METTL24: variants seen among roughly 807,000 people sequenced by gnomAD.
METTL24 encodes the protein probable methyltransferase-like protein 24.
Under a neutral mutation model 32.7 loss-of-function variants are expected in METTL24, and 29 were observed. That is an observed-to-expected ratio of 0.89 (90% CI 0.66 to 1.21). The LOEUF is 1.21. Among genes scored for constraint, METTL24 ranks in the 50% most tolerant of loss-of-function variants. The pLI, the probability that METTL24 is intolerant of heterozygous loss-of-function variation, is 0.00. For missense variants in METTL24, 439 were observed against 468.1 expected (o/e 0.94, Z 0.57); for synonymous variants, 163 against 179.5 (o/e 0.91, Z 0.73).
intron 3 of METTL24, among the ~76,000 whole-genome samples, chr6:110,303,182 C>T (rs1371816438): frequency 6.6e-6 from 1 of 152,164 alleles, no homozygotes; most frequent in African/African-American, 2.4e-5. Flanking sequence ...CAGGAGATTC[C>T]CTCGGGTGCC....
chr6:110,319,636 T>C (rs567228965), intron 2 of METTL24, among the ~76,000 whole-genome samples: 40 of 152,166 alleles, frequency 2.6e-4, no homozygotes, highest in Non-Finnish European at 5.3e-4. Context: ...ACTGTATTTA[T>C]GATTTAACTA....
intron 4 of METTL24, among the ~76,000 whole-genome samples, chr6:110,271,988 TTTA>T (rs1294560187): frequency 6.6e-6 from 1 of 152,030 alleles, no homozygotes; most frequent in Admixed American, 6.6e-5. Context: ...TCAACAGAGC[TTTA>T]TTATTATTAT....
chr6:110,349,581 G>T (rs760132476), intron 1 of METTL24, among the ~76,000 whole-genome samples: 1 of 152,246 alleles, frequency 6.6e-6, no homozygotes, highest in Non-Finnish European at 1.5e-5. Context: ...GCTTGGTGTT[G>T]ATTAAATTGA....
In METTL24 at chr6:110,244,455, C is replaced by T. The variant is rs915115917; in HGVS notation, c.*1491G>A. On this transcript the variant is annotated 3_prime_UTR_variant, in exon 5 of 5. Transcript: ENST00000338882. The stretch of plus-strand genomic sequence containing the variant: ...TACGTAAAATCTAAAAAGTGTAATA[C>T]CCAAAGTATTAGTCCATTCTCACAC... 1.3e-5 allele frequency among the ~76,000 whole-genome samples: 2 copies of T among 151,762 alleles called. No individual in the cohort carries two copies. Among genetic ancestry groups the T allele is most frequent in the Non-Finnish European group, 2.9e-5 (2 of 67,974 alleles).
At chr6:110,333,484 G>T (rs1772147989) in intron 1 of METTL24, among the ~76,000 whole-genome samples, 1 of 151,836 alleles carries the variant, frequency 6.6e-6, no homozygotes. Flanking sequence ...ATTTTTTGAG[G>T]GGAGTCTTGC....
intron 3 of METTL24, among the ~76,000 whole-genome samples, chr6:110,299,658 A>C (rs1771485559): frequency 6.6e-6 from 1 of 152,208 alleles, no homozygotes; most frequent in Admixed American, 6.5e-5. Flanking sequence ...AGTGCAAATA[A>C]GAAAAAAGGC....
intron 2 of METTL24, among the ~76,000 whole-genome samples, chr6:110,317,708 G>A (rs981261449): frequency 3.3e-5 from 5 of 152,050 alleles, no homozygotes; most frequent in Non-Finnish European, 7.4e-5. Flanking sequence ...GATGTTTGCA[G>A]GACCTTGCTC....
At chr6:110,281,315 G>A (rs1399022310) in intron 4 of METTL24, among the ~76,000 whole-genome samples, 1 of 152,024 alleles carries the variant, frequency 6.6e-6, no homozygotes, top group African/African-American at 2.4e-5. Context: ...TAAAGAGGTT[G>A]GGAAATTGAA....
Position 110,245,161 on chromosome 6 carries a change from A to G in METTL24, c.*785T>C, listed in dbSNP as rs1213619040. 1.3e-5 allele frequency among the ~76,000 whole-genome samples: 2 copies of G among 152,340 alleles called. No homozygotes were observed. The highest frequency in any genetic ancestry group is 3.9e-4 in the East Asian group (2 of 5,182). ...AATATTTAAATCAGTAGACTAAATA[A>G]ATCAGATTCTTCACCTCAGTGTAAG... On this transcript the variant is annotated 3_prime_UTR_variant, in exon 5 of 5. Coordinates refer to ENST00000338882, the MANE Select transcript of METTL24 (RefSeq NM_001123364.3).
At chr6:110,305,457 C>T (rs1394900760) in intron 3 of METTL24, among the ~76,000 whole-genome samples, 1 of 151,830 alleles carries the variant, frequency 6.6e-6, no homozygotes, top group Non-Finnish European at 1.5e-5. Flanking sequence ...CCAGAATCTA[C>T]ATGGAACTTA....
rs144114898 is a variant in METTL24, at chr6:110,317,585, T to G, written c.418-2104A>C. 3.5e-3 allele frequency among the ~76,000 whole-genome samples: 532 copies of G among 152,200 alleles called. 4 individuals are homozygous for G. The highest frequency in any genetic ancestry group is 0.012 in the African/African-American group (480 of 41,524). ...GACCTTATAAGCCAGAGCCATCTGC[T>G]TGGGGGAAGTCTCCTGGGATATTTT... On this transcript the variant is annotated intron_variant, in intron 2 of 4. Transcript: ENST00000338882.
At chr6:110,278,847 C>T (rs572827257) in intron 4 of METTL24, among the ~76,000 whole-genome samples, 201 of 152,186 alleles carry the variant, frequency 1.3e-3, no homozygotes, top group African/African-American at 4.6e-3. Flanking sequence ...CACAGTGAGA[C>T]GTCATCTCTA....
chr6:110,290,311 G>T (rs1370712575), intron 4 of METTL24, among the ~76,000 whole-genome samples: 1 of 152,192 alleles, frequency 6.6e-6, no homozygotes, highest in Non-Finnish European at 1.5e-5. Flanking sequence ...GTTCCTTTGT[G>T]ATCTTTTCAA....
chr6:110,279,414 C>T (rs1771100986), intron 4 of METTL24, among the ~76,000 whole-genome samples: 1 of 152,110 alleles, frequency 6.6e-6, no homozygotes, highest in Admixed American at 6.5e-5. Context: ...GCAATTACAT[C>T]CATTGGAAGA....
intron 4 of METTL24, among the ~76,000 whole-genome samples, chr6:110,272,835 T>C (rs1277247212): frequency 2.6e-5 from 4 of 152,116 alleles, no homozygotes; most frequent in African/African-American, 7.2e-5. Flanking sequence ...TCCTTGCTGA[T>C]TTGAGTTCCT....
intron 1 of METTL24, among the ~76,000 whole-genome samples, chr6:110,332,921 AAAGC>A (rs904885981): frequency 2.0e-5 from 3 of 152,048 alleles, no homozygotes; most frequent in African/African-American, 4.8e-5. Context: ...AAAAAAAAAA[AAAGC>A]AAGTGTGCCT....
At chr6:110,297,639 A>C (rs1394624994) in intron 4 of METTL24, among the ~76,000 whole-genome samples, 1 of 152,220 alleles carries the variant, frequency 6.6e-6, no homozygotes, top group Non-Finnish European at 1.5e-5. Context: ...AAAGGTAACG[A>C]GTGGCAAAAA....
intron 3 of METTL24, among the ~76,000 whole-genome samples, chr6:110,309,306 C>T (rs941446537): frequency 1.3e-5 from 2 of 152,114 alleles, no homozygotes; most frequent in Non-Finnish European, 2.9e-5. Context: ...AAATAACTAC[C>T]TAGATCTTCA....
chr6:110,295,662 C>A (rs1479914203), intron 4 of METTL24, among the ~76,000 whole-genome samples: 1 of 152,206 alleles, frequency 6.6e-6, no homozygotes, highest in Non-Finnish European at 1.5e-5. Flanking sequence ...TCTCTACAAC[C>A]AAGTCTGAAG....
Sources: allele counts gnomAD v4.1 joint callset (sites outside exome capture counted in the v4.1 genomes callset), GRCh38; gene constraint gnomAD v4.1.1; transcripts MANE v1.5; gene names NCBI Gene and HGNC (gene_info 2026-07-23, HGNC 2026-07-21).